GRID2: variants seen among roughly 807,000 people sequenced by gnomAD.
GRID2 encodes glutamate receptor ionotropic, delta-2.
GRID2 carries 33 observed loss-of-function variants against 114.8 expected under a neutral mutation model. The ratio of observed to expected loss-of-function variants is 0.29; its 90% confidence interval spans 0.22 to 0.38. The LOEUF (loss-of-function observed/expected upper bound fraction) is 0.38, where lower values mean the gene tolerates loss of function less well. Among genes scored for constraint, GRID2 ranks in the 10% least tolerant of loss-of-function variants. The pLI is 1.00. For missense variants in GRID2, 1,184 were observed against 1,257.7 expected, an observed-to-expected ratio of 0.94 and a Z score of 0.89; for synonymous variants, 505 against 449.9, an observed-to-expected ratio of 1.12 and a Z score of -1.55.
intron 1 of GRID2, among the ~76,000 whole-genome samples, chr4:92,350,272 C>T: frequency 6.6e-6 from 1 of 151,788 alleles, no homozygotes. Flanking sequence ...GCTGTTTCCT[C>T]CAACAAATGC....
intron 10 of GRID2, among the ~76,000 whole-genome samples, chr4:93,453,063 G>C (rs1399949505): frequency 9.1e-6 from 1 of 110,170 alleles, no homozygotes; most frequent in African/African-American, 3.7e-5. Context: ...AACAGGCCCC[G>C]GTGTGTGATG....
Position 92,521,214 on chromosome 4 carries a change from T to TA in GRID2, c.89-68910dup, listed in dbSNP as rs571295374. The stretch of plus-strand genomic sequence containing the variant: ...GAATTCAGGTGCAAATATAAACATT[T>TA]AAAAAAATTCCTTAATACTACACTT... On this transcript the variant is annotated intron_variant, in intron 1 of 15. Transcript: ENST00000282020. Among the ~76,000 whole-genome samples the TA allele has an allele frequency of 1.1e-4, 16 of 151,978 alleles. No individual in the cohort carries two copies. In the South Asian group the frequency reaches 3.1e-3, roughly 30 times the overall value.
At chr4:93,303,866 A>G (rs190874535) in intron 8 of GRID2, among the ~76,000 whole-genome samples, 1 of 152,234 alleles carries the variant, frequency 6.6e-6, no homozygotes, top group Non-Finnish European at 1.5e-5. Flanking sequence ...AGCTATGACA[A>G]TTGAAATGGT....
At chr4:92,816,133 T>C (rs111545019) in intron 2 of GRID2, among the ~76,000 whole-genome samples, 4,635 of 151,082 alleles carry the variant, frequency 0.031, 123 homozygotes, top group East Asian at 0.11. Context: ...CTAGGCAACA[T>C]GGTGAAACCC....
intron 13 of GRID2, among the ~76,000 whole-genome samples, chr4:93,572,585 T>C (rs559007293): frequency 3.3e-5 from 5 of 152,164 alleles, no homozygotes; most frequent in South Asian, 2.1e-4. Context: ...GATTGACATA[T>C]ATAGAATGTC....
intron 8 of GRID2, among the ~76,000 whole-genome samples, chr4:93,356,129 C>A (rs1314338625): frequency 2.0e-5 from 3 of 152,094 alleles, no homozygotes; most frequent in African/African-American, 7.2e-5. Flanking sequence ...TAAATATAAA[C>A]TTACCTACTT....
intron 1 of GRID2, among the ~76,000 whole-genome samples, chr4:92,536,909 A>G (rs1444553109): frequency 2.6e-5 from 4 of 152,174 alleles, no homozygotes; most frequent in African/African-American, 9.7e-5. Context: ...AGTAGTTACT[A>G]TGTATTTATT....
At chr4:92,962,645 C>T (rs529935372) in intron 2 of GRID2, among the ~76,000 whole-genome samples, 6 of 152,064 alleles carry the variant, frequency 3.9e-5, no homozygotes, top group South Asian at 2.1e-4. Flanking sequence ...TTTCTCCCTT[C>T]CCCTGCTGGA....
chr4:92,324,258 C>A (rs1726473039), intron 1 of GRID2, among the ~76,000 whole-genome samples: 1 of 151,850 alleles, frequency 6.6e-6, no homozygotes, highest in African/African-American at 2.4e-5. Context: ...AGATCCAAAC[C>A]CTTTTCCACA....
At chr4:93,148,370 G>C (rs1736440226) in intron 4 of GRID2, among the ~76,000 whole-genome samples, 1 of 151,942 alleles carries the variant, frequency 6.6e-6, no homozygotes, top group Non-Finnish European at 1.5e-5. Flanking sequence ...TATTTAGAGT[G>C]GCAGAACATA....
intron 2 of GRID2, among the ~76,000 whole-genome samples, chr4:92,666,153 A>T (rs1158603332): frequency 1.3e-5 from 2 of 151,472 alleles, no homozygotes; most frequent in Admixed American, 1.3e-4. Context: ...CCTATATCCA[A>T]ATGCACTGAT....
At chr4:93,232,333 T>G (rs1579366314) in intron 7 of GRID2, among the ~76,000 whole-genome samples, 1 of 152,134 alleles carries the variant, frequency 6.6e-6, no homozygotes, top group Non-Finnish European at 1.5e-5. Flanking sequence ...TAATAGATGT[T>G]TAAATCAAAT....
intron 14 of GRID2, among the ~76,000 whole-genome samples, chr4:93,716,172 T>C (rs1195753041): frequency 6.6e-6 from 1 of 152,124 alleles, no homozygotes; most frequent in Non-Finnish European, 1.5e-5. Flanking sequence ...TATATAAGAG[T>C]AAATATGTGT....
chr4:92,728,598 AC>A (rs1271536253), intron 2 of GRID2, among the ~76,000 whole-genome samples: 1 of 151,836 alleles, frequency 6.6e-6, no homozygotes, highest in Non-Finnish European at 1.5e-5. Flanking sequence ...CTTTCAGTAA[AC>A]TACTCTTGGA....
At chr4:92,865,265 C>A (rs17326345) in intron 2 of GRID2, among the ~76,000 whole-genome samples, 5 of 151,930 alleles carry the variant, frequency 3.3e-5, no homozygotes, top group Non-Finnish European at 7.4e-5. Flanking sequence ...TTGAAAGAAA[C>A]CCTGTTATAA....
chr4:93,124,001 A>G (rs1209640230), intron 4 of GRID2, among the ~76,000 whole-genome samples: 1 of 151,624 alleles, frequency 6.6e-6, no homozygotes, highest in Non-Finnish European at 1.5e-5. Context: ...GATATACCTA[A>G]TGCTAGATGA....
At chr4:93,678,048 A>G (rs1307947083) in intron 14 of GRID2, among the ~76,000 whole-genome samples, 1 of 152,180 alleles carries the variant, frequency 6.6e-6, no homozygotes, top group Non-Finnish European at 1.5e-5. Flanking sequence ...AGACGAATGG[A>G]TAACTAGACT....
chr4:92,891,397 C>A (rs999270778), intron 2 of GRID2, among the ~76,000 whole-genome samples: 1 of 152,110 alleles, frequency 6.6e-6, no homozygotes, highest in African/African-American at 2.4e-5. Flanking sequence ...GACATGATCT[C>A]CAGATACAAA....
At chr4:93,459,232 T>C (rs1460849535) in intron 11 of GRID2, among the ~76,000 whole-genome samples, 4 of 140,786 alleles carry the variant, frequency 2.8e-5, no homozygotes, top group Non-Finnish European at 4.6e-5. Flanking sequence ...GAGAGAGTAG[T>C]AGAGGTCTCA....
Sources: allele counts gnomAD v4.1 joint callset (sites outside exome capture counted in the v4.1 genomes callset), GRCh38; gene constraint gnomAD v4.1.1; transcripts MANE v1.5; gene names NCBI Gene and HGNC (gene_info 2026-07-23, HGNC 2026-07-21).